ERCC6L2: variants seen among roughly 807,000 people sequenced by gnomAD.
ERCC6L2 encodes the protein ERCC excision repair 6 like 2.
A neutral mutation model predicts 132.0 loss-of-function variants in ERCC6L2; 77 were observed. That is an observed-to-expected ratio of 0.58 (90% CI 0.49 to 0.71). The LOEUF is 0.71. Among genes scored for constraint, ERCC6L2 ranks in the 30% least tolerant of loss-of-function variants. The pLI is 0.00. For synonymous variants in ERCC6L2, 583 were observed against 632.4 expected, an observed-to-expected ratio of 0.92 and a Z score of 1.17; for missense variants, 1,542 against 1,837.6, an observed-to-expected ratio of 0.84 and a Z score of 2.94.
At chr9:95,909,649 T>A (rs1379772975) in intron 4 of ERCC6L2, among the ~76,000 whole-genome samples, 1 of 152,252 alleles carries the variant, frequency 6.6e-6, no homozygotes, top group African/African-American at 2.4e-5. Flanking sequence ...TCTTTCTTAA[T>A]GTTGCATTGT....
intron 19 of ERCC6L2, among the ~76,000 whole-genome samples, chr9:96,026,383 C>G (rs1226204034): frequency 6.6e-6 from 1 of 152,116 alleles, no homozygotes; most frequent in Non-Finnish European, 1.5e-5. Flanking sequence ...GGGCGCGGAT[C>G]CCAGGAGGTG....
chr9:95,918,456 G>C (rs184817851), intron 6 of ERCC6L2: 30 of 469,004 alleles, frequency 6.4e-5, no homozygotes, highest in Middle Eastern at 7.5e-4. Flanking sequence ...CATTTATTCA[G>C]GTCCTGCAGG....
chr9:96,021,963 G>T (rs1280861202), downstream of ERCC6L2, among the ~76,000 whole-genome samples: 2 of 152,012 alleles, frequency 1.3e-5, no homozygotes, highest in Non-Finnish European at 2.9e-5. This position sits in a 1 kb window ranked among gnomAD's most constrained non-coding sequence, Gnocchi z 4.7. Context: ...CCTCCAGGCC[G>T]AACCCCTGCG....
At chr9:95,997,529 A>G (rs1435540835) in intron 17 of ERCC6L2, among the ~76,000 whole-genome samples, 1 of 152,264 alleles carries the variant, frequency 6.6e-6, no homozygotes, top group Non-Finnish European at 1.5e-5. Context: ...AATGTTACAT[A>G]AACTTAGTTG....
intron 4 of ERCC6L2, 49 bp downstream of exon 4, chr9:95,907,320 C>T: frequency 1.0e-6 from 1 of 953,892 alleles, no homozygotes; most frequent in Non-Finnish European, 1.5e-6. Flanking sequence ...AGTCTACTTA[C>T]ATCCCTTTAT....
At chr9:95,984,948 T>C (rs1004954959) in intron 17 of ERCC6L2, among the ~76,000 whole-genome samples, 1 of 151,794 alleles carries the variant, frequency 6.6e-6, no homozygotes, top group African/African-American at 2.4e-5. Flanking sequence ...ATGATCTCTT[T>C]CTCTCAGTGA....
intron 2 of ERCC6L2, among the ~76,000 whole-genome samples, chr9:95,891,587 G>A (rs1041347808): frequency 6.7e-6 from 1 of 149,170 alleles, no homozygotes; most frequent in Non-Finnish European, 1.5e-5. Context: ...TGGTAATTCA[G>A]TGTTTCTTTT....
At chr9:96,037,773 C>T (rs1834536463) in intron 19 of ERCC6L2, among the ~76,000 whole-genome samples, 1 of 151,946 alleles carries the variant, frequency 6.6e-6, no homozygotes, top group South Asian at 2.1e-4. Flanking sequence ...CAACAACATT[C>T]TAGAAAGAAG....
intron 4 of ERCC6L2, among the ~76,000 whole-genome samples, chr9:95,913,158 A>G (rs1829421581): frequency 3.3e-5 from 5 of 152,234 alleles, no homozygotes; most frequent in Admixed American, 3.3e-4. Context: ...CCTTTTACTT[A>G]GTAGTATTAG....
At chr9:95,933,801 G>A (rs908363932) in intron 11 of ERCC6L2, among the ~76,000 whole-genome samples, 4 of 144,032 alleles carry the variant, frequency 2.8e-5, no homozygotes, top group African/African-American at 5.2e-5. Flanking sequence ...CTGAGATGAC[G>A]CCACTGCACT....
At chr9:95,950,146 AG>A (rs1479575760) in intron 12 of ERCC6L2, among the ~76,000 whole-genome samples, 4 of 152,216 alleles carry the variant, frequency 2.6e-5, no homozygotes, top group Non-Finnish European at 4.4e-5. Flanking sequence ...TATAAATACC[AG>A]TATCGTAATT....
chr9:95,933,364 A>G (rs750042823), intron 11 of ERCC6L2, among the ~76,000 whole-genome samples: 27 of 152,152 alleles, frequency 1.8e-4, no homozygotes, highest in African/African-American at 4.8e-4. Context: ...TCTCTATGAC[A>G]TCTTCATGGT....
chr9:95,936,357 TC>T (rs1178580763), intron 11 of ERCC6L2, among the ~76,000 whole-genome samples: 2 of 152,134 alleles, frequency 1.3e-5, no homozygotes, highest in African/African-American at 4.8e-5. Context: ...CTTGTTCTCT[TC>T]CTTTTGGAGA....
chr9:95,968,658 A>T (rs1164484182), intron 14 of ERCC6L2: 2 of 152,112 alleles, frequency 1.3e-5, no homozygotes, highest in Non-Finnish European at 2.9e-5. Context: ...TAATCTTATG[A>T]TTTCTGGGCA....
At chr9:95,949,989 T>C (rs1831254397) in intron 12 of ERCC6L2, among the ~76,000 whole-genome samples, 1 of 143,876 alleles carries the variant, frequency 7.0e-6, no homozygotes, top group African/African-American at 2.6e-5. Flanking sequence ...CACTCCAGCC[T>C]GGGAGACAGG....
At chr9:95,908,985 T>C (rs1829214760) in intron 4 of ERCC6L2, among the ~76,000 whole-genome samples, 1 of 152,158 alleles carries the variant, frequency 6.6e-6, no homozygotes, top group Non-Finnish European at 1.5e-5. Context: ...AAATCACTAA[T>C]TAGCCATGTG....
intron 13 of ERCC6L2, among the ~76,000 whole-genome samples, chr9:95,958,932 C>G (rs545821554): frequency 1.5e-4 from 22 of 151,102 alleles, no homozygotes; most frequent in African/African-American, 4.9e-4. Flanking sequence ...GAATCAATAT[C>G]GTGAAAATGG....
chr9:95,902,015 A>G (rs1355064746), intron 3 of ERCC6L2, among the ~76,000 whole-genome samples: 4 of 152,224 alleles, frequency 2.6e-5, no homozygotes, highest in African/African-American at 7.2e-5. Flanking sequence ...ATTCTGAAAA[A>G]TTAATGTTGA....
chr9:95,993,308 C>T (rs542676107), intron 17 of ERCC6L2, among the ~76,000 whole-genome samples: 2 of 152,354 alleles, frequency 1.3e-5, no homozygotes, highest in East Asian at 1.9e-4. Context: ...CTATCCTGCT[C>T]TAGCCTTTGT....
Sources: allele counts gnomAD v4.1 joint callset (sites outside exome capture counted in the v4.1 genomes callset), GRCh38; gene constraint gnomAD v4.1.1; non-coding constraint Gnocchi (gnomAD v3.1); transcripts MANE v1.5; gene names NCBI Gene and HGNC (gene_info 2026-07-23, HGNC 2026-07-21).